Variants in CEACAM4 observed in about 807,000 individuals in gnomAD.
CEACAM4 encodes cell adhesion molecule CEACAM4.
In CEACAM4, 30 loss-of-function variants were observed where a neutral mutation model predicts 28.7. The observed-to-expected ratio is 1.05, with a 90% CI of 0.78 to 1.42. The LOEUF is 1.42. Ranked by LOEUF, CEACAM4 falls within the 40% of genes most tolerant of loss-of-function variation. CEACAM4 has a pLI of 0.00. For synonymous variants in CEACAM4, 143 were observed against 126.5 expected (o/e 1.13, Z -0.87); for missense variants, 330 against 308.2 (o/e 1.07, Z -0.53).
intron 2 of CEACAM4, among the ~76,000 whole-genome samples, chr19:41,622,423 G>C (rs371199928): frequency 6.6e-6 from 1 of 152,052 alleles, no homozygotes; most frequent in Non-Finnish European, 1.5e-5. Flanking sequence ...CACAGAGAGC[G>C]AGCCCTCACT....
chr19:41,626,997 G>C lies in CEACAM4; in HGVS notation c.-34C>G. ...CTGCCTGCTTGTCCTCTGTGGAGAG[G>C]AGCTGGGCTCCAGGAACGCTCTTGT... On this transcript the variant is annotated 5_prime_UTR_variant, in exon 1 of 7. Coordinates refer to ENST00000221954, the MANE Select transcript of CEACAM4 (RefSeq NM_001817.4). 1 of 1,569,010 alleles carries C rather than the reference G, an allele frequency of 6.4e-7. No individual in the cohort carries two copies.
intron 2 of CEACAM4, among the ~76,000 whole-genome samples, chr19:41,623,102 C>T (rs1373723098): frequency 3.0e-4 from 45 of 152,158 alleles, no homozygotes; most frequent in Admixed American, 2.1e-3. Flanking sequence ...CCGCAACCTC[C>T]GCTTCACAGG....
chr19:41,617,037 G>A (rs1281437597), downstream of CEACAM4, among the ~76,000 whole-genome samples: 1 of 152,174 alleles, frequency 6.6e-6, no homozygotes, highest in Non-Finnish European at 1.5e-5. Flanking sequence ...CCCTGTAATA[G>A]CTTCCTCTTT....
rs782263927 is a variant in CEACAM4 at position 41,619,717 on chromosome 19, C to A, written c.628-6G>T. On this transcript the variant is annotated splice_region_variant and splice_polypyrimidine_tract_variant and intron_variant, in intron 5 of 6. Transcript: ENST00000221954. ...CTGGGGCTGGGTAGAGGGGCCTGGGCAGGGGAGAGAGGAGATGTCAGGGGA... is the reference window on the plus strand; with the variant it reads ...CTGGGGCTGGGTAGAGGGGCCTGGGAAGGGGAGAGAGGAGATGTCAGGGGA... The A allele has an allele frequency of 6.4e-7, 1 of 1,569,232 alleles. No homozygotes were observed. Among genetic ancestry groups the A allele is most frequent in the East Asian group, 2.3e-5 (1 of 43,506 alleles).
Position 41,619,030 on chromosome 19 carries a change from T to A in CEACAM4, c.*300A>T. ...AAAGAGCCAATGAGAGGAAGGGTCC[T>A]CTTTATTCAGATCCTTTCCTGGTGA... is the stretch of plus-strand genomic sequence containing the variant. On this transcript the variant is annotated 3_prime_UTR_variant, in exon 7 of 7. Coordinates refer to ENST00000221954, the MANE Select transcript of CEACAM4 (RefSeq NM_001817.4). 2.3e-6 allele frequency: 1 copy of A among 436,550 alleles called. No homozygotes were observed. The allele number at this position is 436,550 out of a possible 1,614,324, so 27.0% of individuals were successfully genotyped here. A position where few individuals can be genotyped will look rare whatever the true frequency, so the allele number is the denominator to read the frequency against.
At chr19:41,623,610 T>C (rs571463240) in intron 2 of CEACAM4, among the ~76,000 whole-genome samples, 75 of 151,850 alleles carry the variant, frequency 4.9e-4, no homozygotes, top group African/African-American at 1.7e-3. Flanking sequence ...CACAAGTGCC[T>C]CTCAGTTTTT....
At chr19:41,616,433 A>G (rs1454176484), downstream of CEACAM4, among the ~76,000 whole-genome samples, 2 of 152,124 alleles carry the variant, frequency 1.3e-5, no homozygotes, top group Non-Finnish European at 2.9e-5. Context: ...GCATGTTCAT[A>G]GTATGCAGTT....
At chr19:41,613,513 A>ACACACATACACCCACACC in the CEACAM4 span, among the ~76,000 whole-genome samples, 2 of 151,876 alleles carry the variant, frequency 1.3e-5, no homozygotes, top group Non-Finnish European at 2.9e-5. Context: ...ACACACACAC[A>ACACACATACACCCACACC]CACACATACA....
chr19:41,620,503 G>A, intron 4 of CEACAM4, 72 bp downstream of exon 4: 4 of 1,330,094 alleles, frequency 3.0e-6, no homozygotes, highest in Non-Finnish European at 4.2e-6. Flanking sequence ...GGCCCCCAGG[G>A]GGTGACTGGC....
downstream of CEACAM4, among the ~76,000 whole-genome samples, chr19:41,618,271 C>G (rs926109460): frequency 2.0e-5 from 3 of 152,128 alleles, no homozygotes; most frequent in Non-Finnish European, 2.9e-5. Flanking sequence ...GAGTCCTGCA[C>G]CTCTGACCTG....
intron 2 of CEACAM4, among the ~76,000 whole-genome samples, chr19:41,624,367 T>C (rs1160102858): frequency 6.6e-6 from 1 of 152,160 alleles, no homozygotes; most frequent in Non-Finnish European, 1.5e-5. Flanking sequence ...TATCCTCCTG[T>C]TGGAATGATA....
chr19:41,619,428 T>TA, intron 6 of CEACAM4, 33 bp from the exon 7 acceptor site: 1 of 1,608,900 alleles, frequency 6.2e-7, no homozygotes, highest in East Asian at 2.2e-5. Context: ...TCAACCCCTG[T>TA]AGCCTTCTCA....
At position 41,625,812 on chromosome 19, in the gene CEACAM4, T is replaced by C; in HGVS notation, c.213A>G (p.Lys71=). Residue 71 remains lysine, a synonymous_variant, in exon 2 of 7, where the codon AAA becomes AAG. Coordinates refer to ENST00000221954, the MANE Select transcript of CEACAM4 (RefSeq NM_001817.4). ...TIQAYYWHKG[K]TAEGSPLIAG... is the part of the protein sequence containing the mutation. ...CAATGAGAGGGCTCCCTTCTGCCGTTTTCCCCTTGTGCCAATAATAGGCTT... is the reference window on the plus strand; with the variant it reads ...CAATGAGAGGGCTCCCTTCTGCCGTCTTCCCCTTGTGCCAATAATAGGCTT... 6.2e-7 allele frequency: 1 copy of C among 1,614,004 alleles called. No individual in the cohort carries two copies. Among genetic ancestry groups the C allele is most frequent in the Non-Finnish European group, 8.5e-7 (1 of 1,179,984 alleles).
chr19:41,616,541 A>ATAGG (rs1348342669), downstream of CEACAM4, among the ~76,000 whole-genome samples: 10 of 136,398 alleles, frequency 7.3e-5, no homozygotes, highest in African/African-American at 2.7e-4. Flanking sequence ...AGATAGATAG[A>ATAGG]TAGATATTCA....
At chr19:41,623,308 C>T (rs922615999) in intron 2 of CEACAM4, among the ~76,000 whole-genome samples, 1 of 152,162 alleles carries the variant, frequency 6.6e-6, no homozygotes, top group Admixed American at 6.5e-5. Context: ...TGAGCCACCG[C>T]TCCTGGCCCC....
At chr19:41,619,786 C>A in intron 5 of CEACAM4, 75 bp from the exon 6 acceptor site, 1 of 1,273,290 alleles carries the variant, frequency 7.9e-7, no homozygotes, top group Non-Finnish European at 1.1e-6. Flanking sequence ...AGGTTCCTGT[C>A]TCTGATCGGC....
rs1435331927 is a variant in CEACAM4, at chr19:41,620,618, G to T, written c.552C>A (p.Ile184=). 5 of 1,612,606 alleles carry T rather than the reference G, an allele frequency of 3.1e-6. No homozygotes were observed. The highest frequency in any genetic ancestry group is 4.2e-6 in the Non-Finnish European group (5 of 1,179,192). Residue 184 remains isoleucine, a synonymous_variant, in exon 4 of 7, where the codon ATC becomes ATA. Transcript: ENST00000221954. ...LLLSRTGRAS[I]QRDLREQPPP... is the part of the protein sequence containing the mutation. ...GCGGCTGCTCCCTGAGGTCACGCTG[G>T]ATGCTGGCCCTAGGAAAGGTCAGGA...
At chr19:41,616,624 G>T (rs782595102), downstream of CEACAM4, among the ~76,000 whole-genome samples, 1 of 152,046 alleles carries the variant, frequency 6.6e-6, no homozygotes, top group East Asian at 1.9e-4. Context: ...GATGGCAAAG[G>T]CCTCTGACAC....
chr19:41,623,492 T>G (rs1555802609), intron 2 of CEACAM4, among the ~76,000 whole-genome samples: 6 of 147,074 alleles, frequency 4.1e-5, no homozygotes, highest in African/African-American at 1.5e-4. Context: ...CATGATGTAC[T>G]GGGCAACAGG....
Sources: gnomAD v4.1 joint callset for allele counts (sites outside exome capture counted in the v4.1 genomes callset) on GRCh38, gnomAD v4.1.1 for gene constraint, MANE v1.5 for transcripts, NCBI Gene and HGNC (gene_info 2026-07-23, HGNC 2026-07-21) for gene names.